The following PTP4A2 variants were observed in gnomAD, a reference collection of about 807,000 sequenced individuals.
PTP4A2 encodes the protein protein tyrosine phosphatase 4A2, also known as protein tyrosine phosphatase type IVA 2.
In PTP4A2, 2 loss-of-function variants were observed where a neutral mutation model predicts 22.9. That is an observed-to-expected ratio of 0.09 (90% CI 0.04 to 0.27). PTP4A2 has a LOEUF of 0.27. PTP4A2 is among the 10% of genes least tolerant of loss of function. The pLI, the probability that PTP4A2 is intolerant of heterozygous loss-of-function variation, is 1.00. For synonymous variants in PTP4A2, 68 were observed against 69.1 expected (o/e 0.98, Z 0.08); for missense variants, 103 against 205.1 (o/e 0.50, Z 3.04).
chr1:31,922,618 CTTTCTTTCTTTCTTTCTTTT>C lies in PTP4A2; in HGVS notation c.-593-2980_-593-2961del, dbSNP rs1180930591. ...TCTTTCTTTCTTTCTTTCTTTCTTTCTTTCTTTCTTTCTTTCTTTTATTTATTTTGAGACAGGTTTTCACT... is the reference window on the plus strand; with the variant it reads ...TCTTTCTTTCTTTCTTTCTTTCTTTCATTTATTTTGAGACAGGTTTTCACT... On this transcript the variant is annotated intron_variant, in intron 1 of 5. Coordinates refer to ENST00000647444, the MANE Select transcript of PTP4A2 (RefSeq NM_080391.4). Among the ~76,000 whole-genome samples, 335 of 135,562 alleles carry C rather than the reference CTTTCTTTCTTTCTTTCTTTT, an allele frequency of 2.5e-3. 1 individual carries two copies. In the South Asian group the frequency reaches 0.026, roughly 10 times the overall value. The allele number at this position is 135,562 out of a possible 152,430, so 88.9% of individuals were successfully genotyped here.
intron 3 of PTP4A2, 123 bp from the exon 4 acceptor site, chr1:31,911,949 A>G: frequency 1.9e-6 from 1 of 527,220 alleles, no homozygotes; most frequent in Non-Finnish European, 3.2e-6. Flanking sequence ...ATATATACCT[A>G]TTGTTAACAC....
chr1:31,929,020 G>A (rs954763402), intron 1 of PTP4A2, among the ~76,000 whole-genome samples: 2 of 152,182 alleles, frequency 1.3e-5, no homozygotes, highest in Non-Finnish European at 2.9e-5. Context: ...GGTTTTAGAT[G>A]TGCATGTACC....
intron 1 of PTP4A2, among the ~76,000 whole-genome samples, chr1:31,922,315 C>A (rs922168449): frequency 6.6e-6 from 1 of 152,232 alleles, no homozygotes; most frequent in Non-Finnish European, 1.5e-5. Context: ...GAAACCCCAT[C>A]TCTACTAAAA....
intron 1 of PTP4A2, among the ~76,000 whole-genome samples, chr1:31,930,211 G>A (rs889670203): frequency 1.3e-5 from 2 of 150,858 alleles, no homozygotes; most frequent in South Asian, 2.1e-4. Context: ...GGTGGCGGGC[G>A]CCTGTAGTTC....
At chr1:31,909,079 TC>T in intron 5 of PTP4A2, 119 bp from the exon 6 acceptor site, 1 of 724,536 alleles carries the variant, frequency 1.4e-6, no homozygotes, top group Non-Finnish European at 2.4e-6. Flanking sequence ...CCAGCATATT[TC>T]CCATACTACA....
At chr1:31,916,712 T>A (rs945081466) in intron 2 of PTP4A2, among the ~76,000 whole-genome samples, 1 of 152,158 alleles carries the variant, frequency 6.6e-6, no homozygotes, top group Non-Finnish European at 1.5e-5. Flanking sequence ...TAAAGAAGTA[T>A]GGCACATCCA....
At chr1:31,913,286 G>A (rs1651640872) in intron 3 of PTP4A2, among the ~76,000 whole-genome samples, 1 of 152,098 alleles carries the variant, frequency 6.6e-6, no homozygotes, top group Non-Finnish European at 1.5e-5. Context: ...TCTCTGTCTG[G>A]GAAAAGGAAA....
Position 31,910,077 on chromosome 1 carries a change from C to T in PTP4A2, c.356G>A (p.Cys119Tyr), listed in dbSNP as rs753328143. 5.0e-6 allele frequency: 8 copies of T among 1,613,582 alleles called. No homozygotes were observed. In the Admixed American group the frequency reaches 1.3e-4, roughly 27 times the overall value. The change falls in exon 5 of 6, where the codon TGT (cysteine) becomes TAT (tyrosine). Residue 119 changes from cysteine to tyrosine, a missense_variant. Coordinates refer to ENST00000647444, the MANE Select transcript of PTP4A2 (RefSeq NM_080391.4). ...PVLVALALIECGMKYEDAVQF... is the reference protein window; with the variant it reads ...PVLVALALIEYGMKYEDAVQF... ...AACTGCATCTTCGTACTTCATTCCA[C>T]ATTCAATCAAAGCAAGTGCAACCAG...
intron 1 of PTP4A2, among the ~76,000 whole-genome samples, chr1:31,921,166 T>C (rs1009217076): frequency 7.2e-5 from 11 of 152,198 alleles, no homozygotes; most frequent in African/African-American, 2.7e-4. Flanking sequence ...TTTTTAAAAA[T>C]CATTTCCCCT....
At chr1:31,930,840 G>C (rs996067071) in intron 1 of PTP4A2, 1 of 152,150 alleles carries the variant, frequency 6.6e-6, no homozygotes, top group Non-Finnish European at 1.5e-5. Context: ...AAACCACACA[G>C]TGAAAGTAAA....
At chr1:31,928,176 CAAAT>C (rs1041763558) in intron 1 of PTP4A2, among the ~76,000 whole-genome samples, 93 of 145,570 alleles carry the variant, frequency 6.4e-4, no homozygotes, top group African/African-American at 2.1e-3. Context: ...TTATATATAA[CAAAT>C]ATATATTATA....
chr1:31,928,261 ATAATAT>A (rs1230845908), intron 1 of PTP4A2, among the ~76,000 whole-genome samples: 7 of 148,122 alleles, frequency 4.7e-5, no homozygotes, highest in African/African-American at 9.8e-5. Context: ...TATATACAAT[ATAATAT>A]TAATATTAAT....
At chr1:31,920,957 T>C (rs1366895889) in intron 1 of PTP4A2, among the ~76,000 whole-genome samples, 1 of 152,186 alleles carries the variant, frequency 6.6e-6, no homozygotes, top group African/African-American at 2.4e-5. Flanking sequence ...AGGATATTAA[T>C]CAAAATTTCA....
intron 2 of PTP4A2, among the ~76,000 whole-genome samples, chr1:31,917,578 T>G (rs1179481306): frequency 6.6e-6 from 1 of 152,164 alleles, no homozygotes. Context: ...AGTTTTCCCA[T>G]CTATAAAATG....
Position 31,907,757 on chromosome 1 carries a change from A to T in PTP4A2, c.*1095T>A, listed in dbSNP as rs909558351. 33 of 152,256 alleles carry T rather than the reference A, an allele frequency of 2.2e-4. No individual in the cohort carries two copies. Among genetic ancestry groups the T allele is most frequent in the African/African-American group, 7.2e-4 (30 of 41,552 alleles). 9.4% of individuals were successfully genotyped at this position (152,256 alleles called of 1,614,324 possible). A position where few individuals can be genotyped will look rare whatever the true frequency, so the allele number is the denominator to read the frequency against. ...TACAAGTCCTAAAATAAAAATTTTA[A>T]GCTACCAGCATTCTCTGATACTAGA... On this transcript the variant is annotated 3_prime_UTR_variant, in exon 6 of 6. Coordinates refer to ENST00000647444, the MANE Select transcript of PTP4A2 (RefSeq NM_080391.4).
intron 4 of PTP4A2, chr1:31,910,359 G>A: frequency 3.0e-6 from 1 of 335,982 alleles, no homozygotes; most frequent in Non-Finnish European, 5.6e-6. Context: ...CACAATCACG[G>A]CTCACCGCAG....
intron 1 of PTP4A2, among the ~76,000 whole-genome samples, chr1:31,924,887 G>A (rs561545898): frequency 6.6e-5 from 10 of 152,098 alleles, no homozygotes; most frequent in Non-Finnish European, 1.5e-4. Flanking sequence ...TAAGAAAGGA[G>A]GGAGATAAGG....
intron 4 of PTP4A2, among the ~76,000 whole-genome samples, 166 bp downstream of exon 4, chr1:31,911,530 C>G (rs149378812): frequency 5.2e-4 from 79 of 152,308 alleles, no homozygotes; most frequent in South Asian, 2.3e-3. Flanking sequence ...TGAACAGGCT[C>G]TTTTGAGAAA....
chr1:31,919,022 C>T lies in PTP4A2; in HGVS notation c.44G>A (p.Arg15His), dbSNP rs774925959. 3.7e-6 allele frequency: 6 copies of T among 1,607,862 alleles called. No individual in the cohort carries two copies. Among genetic ancestry groups the T allele is most frequent in the Non-Finnish European group, 5.1e-6 (6 of 1,175,902 alleles). ...APVEISYENMRFLITHNPTNA... is the reference protein window; with the variant it reads ...APVEISYENMHFLITHNPTNA... ...GGTAGGGTTGTGAGTTATCAGAAAA[C>T]GCATGTTCTCATAGGAGATCTCCAC... Residue 15 changes from arginine to histidine, a missense_variant, in exon 2 of 6, where the codon CGT becomes CAT. By Grantham distance (29) the Arg-to-His change is conservative (BLOSUM62 0). This residue lies in a region of PTP4A2 where 66 missense variants were observed against 113.0 expected (regional missense o/e 0.58). Transcript: ENST00000647444.
Sources: gnomAD v4.1 joint callset for allele counts (sites outside exome capture counted in the v4.1 genomes callset) on GRCh38, gnomAD v4.1.1 for gene constraint, gnomAD v4.1.1 regional missense constraint, MANE v1.5 for transcripts, NCBI Gene and HGNC (gene_info 2026-07-23, HGNC 2026-07-21) for gene names.